The following GALNT13 variants were observed in gnomAD, a reference collection of about 807,000 sequenced individuals.
The protein encoded by GALNT13 is UDP-GalNAc:polypeptide N-acetylgalactosaminyltransferase 13.
GALNT13 carries 28 observed loss-of-function variants against 64.2 expected under a neutral mutation model. The observed-to-expected ratio is 0.44, with a 90% CI of 0.32 to 0.60. GALNT13 has a LOEUF of 0.60. GALNT13 is among the 20% of genes least tolerant of loss of function. The pLI is 0.05. For synonymous variants in GALNT13, 214 were observed against 224.6 expected (o/e 0.95, Z 0.42); for missense variants, 577 against 669.8 (o/e 0.86, Z 1.53).
intron 3 of GALNT13, among the ~76,000 whole-genome samples, chr2:154,132,111 C>G (rs13411662): frequency 2.0e-5 from 3 of 152,080 alleles, no homozygotes; most frequent in African/African-American, 7.2e-5. Flanking sequence ...TCCCAGTCCA[C>G]GGATTCAAAG....
the GALNT13 span, among the ~76,000 whole-genome samples, chr2:153,583,151 A>G: frequency 2.0e-5 from 3 of 152,182 alleles, no homozygotes; most frequent in African/African-American, 7.2e-5. Context: ...GTGGAGGTCA[A>G]GGAGGGCTTT....
At position 154,258,303 on chromosome 2, in the gene GALNT13, G is replaced by A. The variant is rs557992265; in HGVS notation, c.858-718G>A. On this transcript the variant is annotated intron_variant, in intron 7 of 12. Transcript: ENST00000392825. ...CAGCTCCCATGGAGGAATTTTGAAC[G>A]TGAAACCAAAAGGCATTTATTCCTA... Among the ~76,000 whole-genome samples, 4 of 152,100 alleles carry A rather than the reference G, an allele frequency of 2.6e-5. No individual in the cohort carries two copies. In the South Asian group the frequency reaches 6.2e-4, roughly 24 times the overall value.
At chr2:153,638,042 CAA>C in the GALNT13 span, among the ~76,000 whole-genome samples, 2 of 150,536 alleles carry the variant, frequency 1.3e-5, no homozygotes, top group Admixed American at 6.6e-5. Flanking sequence ...ACTTATTTCC[CAA>C]AGAAGCTGAA....
At chr2:153,363,730 G>A in the GALNT13 span, among the ~76,000 whole-genome samples, 1 of 152,116 alleles carries the variant, frequency 6.6e-6, no homozygotes, top group African/African-American at 2.4e-5. Context: ...TTCTGAAATT[G>A]AGGCTGTAAT....
Position 154,444,427 on chromosome 2 carries a change from G to A in GALNT13, c.1530+5701G>A, listed in dbSNP as rs554934937. Among the ~76,000 whole-genome samples the A allele has an allele frequency of 2.0e-5, 3 of 152,150 alleles. No individual in the cohort carries two copies. The East Asian group carries it at 5.8e-4, about 29-fold the overall frequency. ...ATGTGTGTTACTGTATTCATTTCTT[G>A]CTTATCCTTTCAATACAGCAAGAAA... On this transcript the variant is annotated intron_variant, in intron 12 of 12. Transcript: ENST00000392825.
chr2:153,697,626 G>A, the GALNT13 span, among the ~76,000 whole-genome samples: 2 of 152,246 alleles, frequency 1.3e-5, no homozygotes, highest in African/African-American at 4.8e-5. Flanking sequence ...GAAGCAGTGA[G>A]AATGCTGTGT....
chr2:154,008,631 G>A (rs1472422795), intron 3 of GALNT13, among the ~76,000 whole-genome samples: 1 of 151,712 alleles, frequency 6.6e-6, no homozygotes, highest in African/African-American at 2.4e-5. Flanking sequence ...TCCCTTCTTT[G>A]AGTCCATATG....
chr2:153,644,229 A>G, the GALNT13 span, among the ~76,000 whole-genome samples: 4 of 152,138 alleles, frequency 2.6e-5, no homozygotes, highest in Non-Finnish European at 5.9e-5. Flanking sequence ...TACATTTTAT[A>G]CATAAGTAAT....
intron 4 of GALNT13, among the ~76,000 whole-genome samples, chr2:154,149,930 G>T (rs573585329): frequency 6.6e-6 from 1 of 152,214 alleles, no homozygotes; most frequent in South Asian, 2.1e-4. Context: ...TCCTTCTCCT[G>T]CCTGATTTCC....
chr2:153,902,545 A>C (rs1688307428), intron 2 of GALNT13, among the ~76,000 whole-genome samples: 1 of 152,058 alleles, frequency 6.6e-6, no homozygotes. Flanking sequence ...GATATCTTCA[A>C]ACTGGATTGC....
At chr2:153,134,668 C>G in the GALNT13 span, among the ~76,000 whole-genome samples, 1 of 152,102 alleles carries the variant, frequency 6.6e-6, no homozygotes, top group Non-Finnish European at 1.5e-5. Flanking sequence ...TCTGCTGCCC[C>G]TTAGACGCCC....
intron 3 of GALNT13, among the ~76,000 whole-genome samples, chr2:154,006,912 T>C (rs1696291073): frequency 6.6e-6 from 1 of 152,168 alleles, no homozygotes; most frequent in Non-Finnish European, 1.5e-5. Flanking sequence ...TTTTTTGTCA[T>C]TCCCTCCCTT....
chr2:153,277,927 C>CTTTTT, the GALNT13 span, among the ~76,000 whole-genome samples: 52 of 80,100 alleles, frequency 6.5e-4, 9 homozygotes, highest in Admixed American at 1.4e-3. Context: ...TCTTTTCTTT[C>CTTTTT]TTTTTTTTTT....
At chr2:153,878,247 A>G (rs1686528400) in intron 1 of GALNT13, among the ~76,000 whole-genome samples, 3 of 152,180 alleles carry the variant, frequency 2.0e-5, no homozygotes. Flanking sequence ...GAATAAATTA[A>G]GCTCCCTGTA....
chr2:154,236,053 A>G (rs576606046), intron 4 of GALNT13: 4 of 1,248,124 alleles, frequency 3.2e-6, no homozygotes, highest in Non-Finnish European at 4.2e-6. Context: ...CAGCTAATAG[A>G]CCATGAGAAC....
intron 3 of GALNT13, among the ~76,000 whole-genome samples, chr2:154,021,709 A>G (rs961204668): frequency 3.3e-5 from 5 of 151,644 alleles, no homozygotes; most frequent in African/African-American, 1.2e-4. Flanking sequence ...CTCCTGCCTG[A>G]TTGCCCTGGC....
the GALNT13 span, among the ~76,000 whole-genome samples, chr2:153,661,104 T>C: frequency 6.6e-6 from 1 of 152,232 alleles, no homozygotes; most frequent in African/African-American, 2.4e-5. Flanking sequence ...GGTGAAAGAA[T>C]TATCTAGTAT....
At chr2:154,289,749 G>T (rs1692491411) in intron 8 of GALNT13, among the ~76,000 whole-genome samples, 1 of 152,198 alleles carries the variant, frequency 6.6e-6, no homozygotes, top group Admixed American at 6.5e-5. Flanking sequence ...AGTTGGAATA[G>T]CACCCAGTCT....
chr2:154,235,331 T>C (rs755115499), intron 4 of GALNT13, among the ~76,000 whole-genome samples: 22 of 152,282 alleles, frequency 1.4e-4, no homozygotes, highest in Admixed American at 1.3e-4. Context: ...TTTTGGAAGA[T>C]TTAACACATT....
Sources: gnomAD v4.1 joint callset for allele counts (sites outside exome capture counted in the v4.1 genomes callset) on GRCh38, gnomAD v4.1.1 for gene constraint, MANE v1.5 for transcripts, NCBI Gene and HGNC (gene_info 2026-07-23, HGNC 2026-07-21) for gene names.